The following WIPF1 variants were observed in gnomAD, a reference collection of about 807,000 sequenced individuals.
WIPF1 encodes WAS/WASL interacting protein family member 1.
A neutral mutation model predicts 35.4 loss-of-function variants in WIPF1; 13 were observed. The ratio of observed to expected loss-of-function variants is 0.37; its 90% CI spans 0.24 to 0.58. WIPF1 has a LOEUF of 0.58. Ranked by LOEUF, WIPF1 falls within the 20% of genes least tolerant of loss-of-function variation. The probability of loss-of-function intolerance (pLI) is 0.74; values close to 1 mark genes in which losing one functional copy is unlikely to be tolerated. For synonymous variants in WIPF1, 267 were observed against 266.3 expected (o/e 1.00, Z -0.02); for missense variants, 591 against 667.0 (o/e 0.89, Z 1.25).
chr2:174,612,160 G>A (rs1312808225), intron 1 of WIPF1, among the ~76,000 whole-genome samples: 3 of 152,128 alleles, frequency 2.0e-5, no homozygotes, highest in Non-Finnish European at 4.4e-5. Context: ...GCCTCCCAAA[G>A]TACTGGGATT....
chr2:174,635,361 T>TG (rs1040151834), intron 1 of WIPF1, among the ~76,000 whole-genome samples: 3 of 152,036 alleles, frequency 2.0e-5, no homozygotes, highest in Non-Finnish European at 4.4e-5. Flanking sequence ...GTCCTGGCCA[T>TG]GGGGGCTCTG....
At chr2:174,668,748 A>G (rs1049292432) in intron 1 of WIPF1, among the ~76,000 whole-genome samples, 4 of 152,240 alleles carry the variant, frequency 2.6e-5, no homozygotes, top group Admixed American at 6.5e-5. Context: ...GCCCTAACCC[A>G]GAAGCATGCA....
At chr2:174,601,258 TC>T (rs1686000356), upstream of WIPF1, among the ~76,000 whole-genome samples, 1 of 152,092 alleles carries the variant, frequency 6.6e-6, no homozygotes, top group South Asian at 2.1e-4. Flanking sequence ...TTAAGACTGT[TC>T]CCCCTGAAAT....
intron 7 of WIPF1, among the ~76,000 whole-genome samples, chr2:174,563,181 G>C (rs1264777764): frequency 6.6e-6 from 1 of 152,162 alleles, no homozygotes; most frequent in Non-Finnish European, 1.5e-5. Flanking sequence ...ATTCTAATGG[G>C]TGTAAAGTTG....
intron 1 of WIPF1, among the ~76,000 whole-genome samples, chr2:174,587,272 C>G (rs1044354953): frequency 2.6e-5 from 4 of 152,166 alleles, no homozygotes; most frequent in African/African-American, 9.7e-5. Flanking sequence ...CTGCCTTAGC[C>G]TCCCATAGTG....
intron 1 of WIPF1, among the ~76,000 whole-genome samples, chr2:174,636,136 A>C (rs1687177928): frequency 6.6e-6 from 1 of 152,216 alleles, no homozygotes; most frequent in South Asian, 2.1e-4. Flanking sequence ...GAAAAACAAA[A>C]TACTACATAG....
chr2:174,584,376 G>A (rs1685333273), intron 2 of WIPF1, among the ~76,000 whole-genome samples: 1 of 152,156 alleles, frequency 6.6e-6, no homozygotes, highest in Admixed American at 6.5e-5. Flanking sequence ...CCTCAGATGA[G>A]TTATATAAAT....
chr2:174,645,976 A>G (rs1436965305), intron 1 of WIPF1, among the ~76,000 whole-genome samples: 1 of 152,268 alleles, frequency 6.6e-6, no homozygotes, highest in South Asian at 2.1e-4. Context: ...AAGAAGGCTC[A>G]TAAATACAGA....
At chr2:174,656,018 C>T (rs1459061193) in intron 1 of WIPF1, 1 of 152,294 alleles carries the variant, frequency 6.6e-6, no homozygotes, top group East Asian at 1.9e-4. Flanking sequence ...AAGCGACACC[C>T]TGCCACTTGT....
chr2:174,597,524 G>A (rs975293891), intron 1 of WIPF1, 77 bp downstream of exon 1: 3 of 152,264 alleles, frequency 2.0e-5, no homozygotes, highest in African/African-American at 4.8e-5. Flanking sequence ...GACATACTAT[G>A]GTCCATTAAA....
chr2:174,639,944 G>T (rs1687262483), intron 1 of WIPF1, among the ~76,000 whole-genome samples: 2 of 152,012 alleles, frequency 1.3e-5, no homozygotes, highest in Admixed American at 1.3e-4. Flanking sequence ...AAGCAATTAG[G>T]CAAGAGAAAT....
At chr2:174,603,681 G>A (rs758788023) in intron 1 of WIPF1, among the ~76,000 whole-genome samples, 5 of 152,302 alleles carry the variant, frequency 3.3e-5, no homozygotes, top group South Asian at 2.1e-4. Context: ...GAAAAAATAC[G>A]GCTTTGTTAA....
At position 174,562,348 on chromosome 2, in the gene WIPF1, C is replaced by A; in HGVS notation, c.*199G>T. 6.7e-7 allele frequency: 1 copy of A among 1,482,670 alleles called. No individual in the cohort carries two copies. The highest frequency in any genetic ancestry group is 1.4e-5 in the South Asian group (1 of 72,250). The allele number at this position is 1,482,670 out of a possible 1,614,324, so 91.8% of individuals were successfully genotyped here. ...GGCTGCAGCTGAAGCAAGCAATAGC[C>A]TGGAGAATAAACACAATATGAAAAG... On this transcript the variant is annotated 3_prime_UTR_variant, in exon 8 of 8. Transcript: ENST00000679041.
chr2:174,647,063 G>T (rs1687426014), intron 1 of WIPF1, among the ~76,000 whole-genome samples: 1 of 152,182 alleles, frequency 6.6e-6, no homozygotes, highest in South Asian at 2.1e-4. Context: ...GAGCCTGGAG[G>T]TGGTGAAGCA....
At chr2:174,582,271 T>C (rs1685266301) in intron 2 of WIPF1, among the ~76,000 whole-genome samples, 1 of 152,198 alleles carries the variant, frequency 6.6e-6, no homozygotes, top group Non-Finnish European at 1.5e-5. Context: ...CTACCTACTA[T>C]GAAATTGGGA....
intron 1 of WIPF1, among the ~76,000 whole-genome samples, chr2:174,637,232 AT>A (rs895567405): frequency 3.3e-5 from 5 of 149,586 alleles, no homozygotes; most frequent in South Asian, 4.3e-4. Flanking sequence ...ACTCCTATCA[AT>A]TTTTTTTTTC....
intron 1 of WIPF1, among the ~76,000 whole-genome samples, chr2:174,642,582 C>G (rs574882158): frequency 6.6e-6 from 1 of 151,682 alleles, no homozygotes; most frequent in African/African-American, 2.4e-5. Flanking sequence ...CTCTTGAGCT[C>G]GTGATCCACC....
upstream of WIPF1, among the ~76,000 whole-genome samples, chr2:174,601,856 G>A (rs1007818923): frequency 6.6e-6 from 1 of 152,222 alleles, no homozygotes; most frequent in Non-Finnish European, 1.5e-5. Flanking sequence ...GCAGAGCAGT[G>A]GCCAAAGCCT....
rs1217871992 is a variant in WIPF1 at position 174,572,340 on chromosome 2, T to G, written c.465A>C (p.Pro155=). ...GCTCTGGGGGACCACTTCTGTGGCC[T>G]GGAGAAGGCACAGGAAACCTCCCTG... is the stretch of plus-strand genomic sequence containing the variant. ...SGPGRFPVPS[P]GHRSGPPEPQ... is the part of the protein sequence containing the mutation. The change falls in exon 5 of 8, where the codon CCA becomes CCC. Residue 155 remains proline (P), a synonymous_variant. Coordinates refer to ENST00000679041, the MANE Select transcript of WIPF1 (RefSeq NM_001375834.1). The G allele has an allele frequency of 1.2e-6, 2 of 1,613,738 alleles. No individual in the cohort carries two copies. Among genetic ancestry groups the G allele is most frequent in the Non-Finnish European group, 1.7e-6 (2 of 1,179,966 alleles).
Sources: allele counts gnomAD v4.1 joint callset (sites outside exome capture counted in the v4.1 genomes callset), GRCh38; gene constraint gnomAD v4.1.1; transcripts MANE v1.5; gene names NCBI Gene and HGNC (gene_info 2026-07-23, HGNC 2026-07-21).